The following TEAD1 variants were observed in gnomAD, a reference collection of about 807,000 sequenced individuals.
TEAD1 encodes the protein TEA domain transcription factor 1, also known as transcriptional enhancer factor TEF-1.
A neutral mutation model predicts 54.9 loss-of-function variants in TEAD1; 9 were observed. The ratio of observed to expected loss-of-function variants is 0.16; its 90% CI spans 0.10 to 0.29. TEAD1 has a LOEUF of 0.29. Ranked by LOEUF, TEAD1 falls within the 10% of genes least tolerant of loss-of-function variation. TEAD1 has a pLI of 1.00. For missense variants in TEAD1, 387 were observed against 535.9 expected (o/e 0.72, Z 2.74); for synonymous variants, 200 against 187.8 (o/e 1.07, Z -0.53).
chr11:12,870,772 G>C (rs911140379), intron 5 of TEAD1, among the ~76,000 whole-genome samples: 1 of 152,194 alleles, frequency 6.6e-6, no homozygotes, highest in African/African-American at 2.4e-5. Context: ...GGCAGTTATA[G>C]CTACTTGGGA....
intron 9 of TEAD1, among the ~76,000 whole-genome samples, chr11:12,886,532 C>A (rs1025086920): frequency 6.6e-6 from 1 of 152,136 alleles, no homozygotes; most frequent in Non-Finnish European, 1.5e-5. Flanking sequence ...CAGCAGTGAA[C>A]AAAACAAAGT....
At chr11:12,727,301 TG>T (rs1350607305) in intron 2 of TEAD1, among the ~76,000 whole-genome samples, 2 of 152,188 alleles carry the variant, frequency 1.3e-5, no homozygotes, top group Non-Finnish European at 2.9e-5. Flanking sequence ...GTTCTGTGGG[TG>T]GGGATGCTGG....
At chr11:12,919,685 A>T (rs1948770042) in intron 10 of TEAD1, among the ~76,000 whole-genome samples, 1 of 151,928 alleles carries the variant, frequency 6.6e-6, no homozygotes, top group African/African-American at 2.4e-5. Flanking sequence ...TTATTTGTAG[A>T]GATGGCATCT....
chr11:12,886,444 G>T (rs1948088417), intron 9 of TEAD1, among the ~76,000 whole-genome samples: 1 of 152,146 alleles, frequency 6.6e-6, no homozygotes, highest in Admixed American at 6.5e-5. Context: ...TTGGGGATTG[G>T]GAGAAATTAG....
At chr11:12,761,218 T>G (rs769452033) in intron 2 of TEAD1, among the ~76,000 whole-genome samples, 1 of 152,192 alleles carries the variant, frequency 6.6e-6, no homozygotes, top group Non-Finnish European at 1.5e-5. Context: ...ATAGAAATAA[T>G]AAGAAGAGGT....
intron 10 of TEAD1, among the ~76,000 whole-genome samples, chr11:12,923,307 A>G (rs1948847287): frequency 6.6e-6 from 1 of 151,970 alleles, no homozygotes; most frequent in Admixed American, 6.5e-5. Context: ...CTCTTATGGA[A>G]TGCTTCTCTT....
rs1051687035 is a variant in TEAD1 at position 12,943,239 on chromosome 11, T to C, written c.*6017T>C. The C allele has an allele frequency of 5.2e-5, 8 of 152,498 alleles. No homozygotes were observed. Among genetic ancestry groups the C allele is most frequent in the African/African-American group, 1.2e-4 (5 of 41,452 alleles). 9.4% of individuals were successfully genotyped at this position (152,498 alleles called of 1,614,324 possible). ...AAGAAAATGTACTCAACCTAACTTATAGTTAGCAGCTGGAATTCTCAACTC... is the reference window on the plus strand; with the variant it reads ...AAGAAAATGTACTCAACCTAACTTACAGTTAGCAGCTGGAATTCTCAACTC... On this transcript the variant is annotated 3_prime_UTR_variant, in exon 13 of 13. Transcript: ENST00000527636.
At chr11:12,809,978 T>C (rs1032026450) in intron 3 of TEAD1, among the ~76,000 whole-genome samples, 334 of 32,600 alleles carry the variant, frequency 0.01, 1 homozygote, top group African/African-American at 0.023. Flanking sequence ...CCCATTCTTT[T>C]TTTTTTTTTT....
intron 3 of TEAD1, among the ~76,000 whole-genome samples, chr11:12,769,303 T>A (rs533257921): frequency 6.6e-6 from 1 of 152,216 alleles, no homozygotes; most frequent in South Asian, 2.1e-4. Context: ...AGCATAGGAC[T>A]TAGGATTGCA....
chr11:12,884,659 T>C (rs568221273), intron 9 of TEAD1, among the ~76,000 whole-genome samples: 1 of 152,178 alleles, frequency 6.6e-6, no homozygotes, highest in Non-Finnish European at 1.5e-5. Flanking sequence ...AAAATAGAGC[T>C]GCTTCCAAAT....
At chr11:12,854,904 C>A (rs1947343003) in intron 3 of TEAD1, among the ~76,000 whole-genome samples, 1 of 151,862 alleles carries the variant, frequency 6.6e-6, no homozygotes, top group African/African-American at 2.4e-5. Flanking sequence ...CTTGAGATGG[C>A]ATCTTTTTAC....
intron 3 of TEAD1, among the ~76,000 whole-genome samples, chr11:12,807,651 A>AG (rs1590170789): frequency 6.6e-6 from 1 of 152,378 alleles, no homozygotes; most frequent in East Asian, 1.9e-4. Flanking sequence ...TGTGTAAGGA[A>AG]GGCCTATGGG....
At chr11:12,900,642 CTTT>C (rs371838189) in intron 9 of TEAD1, among the ~76,000 whole-genome samples, 1 of 147,606 alleles carries the variant, frequency 6.8e-6, no homozygotes, top group Admixed American at 6.8e-5. Context: ...CCCACACAAT[CTTT>C]TTTTTTTTAA....
At chr11:12,686,902 G>GTGT (rs1244991415) in intron 2 of TEAD1, among the ~76,000 whole-genome samples, 1 of 152,202 alleles carries the variant, frequency 6.6e-6, no homozygotes, top group Non-Finnish European at 1.5e-5. Flanking sequence ...AGGAGTGGAG[G>GTGT]TGTTCAGTCC....
rs1416612448 is a variant in TEAD1 at position 12,937,327 on chromosome 11, C to T, written c.*105C>T. 3 of 998,638 alleles carry T rather than the reference C, an allele frequency of 3.0e-6. No homozygotes were observed. The East Asian group carries it at 8.0e-5, about 27-fold the overall frequency. The allele number at this position is 998,638 out of a possible 1,614,324, so 61.9% of individuals were successfully genotyped here. A position where few individuals can be genotyped will look rare whatever the true frequency, so the allele number is the denominator to read the frequency against. On this transcript the variant is annotated 3_prime_UTR_variant, in exon 13 of 13. Transcript: ENST00000527636. ...ACGACTGACTGTAAACCTCACCACACAGGGTGGTGCCCTGGCCCCGAGGTC... is the reference window on the plus strand; with the variant it reads ...ACGACTGACTGTAAACCTCACCACATAGGGTGGTGCCCTGGCCCCGAGGTC...
At chr11:12,855,465 T>A (rs905074958) in intron 3 of TEAD1, among the ~76,000 whole-genome samples, 6 of 151,798 alleles carry the variant, frequency 4.0e-5, no homozygotes, top group Non-Finnish European at 8.8e-5. Flanking sequence ...TATTTTTGTA[T>A]TTTTAGTAGA....
chr11:12,731,836 G>A (rs79204616), intron 2 of TEAD1, among the ~76,000 whole-genome samples: 215 of 152,228 alleles, frequency 1.4e-3, no homozygotes, highest in Admixed American at 2.9e-3. Context: ...ATTTCTCTTA[G>A]GATATGGCTT....
At chr11:12,835,595 TAGGCGTGAGCCACCGTACCCGGTGGCTC>T (rs1327902784) in intron 3 of TEAD1, among the ~76,000 whole-genome samples, 1 of 151,896 alleles carries the variant, frequency 6.6e-6, no homozygotes, top group Admixed American at 6.6e-5. Context: ...GTTGGGATTA[TAGGCGTGAGCCACCGTACCCGGTGGCTC>T]TGAGGTTTTT....
At chr11:12,837,090 C>A (rs942377247) in intron 3 of TEAD1, among the ~76,000 whole-genome samples, 12 of 152,170 alleles carry the variant, frequency 7.9e-5, no homozygotes, top group Non-Finnish European at 4.4e-5. Context: ...TTAACTTACT[C>A]TTCATCCATA....
Sources: allele counts gnomAD v4.1 joint callset (sites outside exome capture counted in the v4.1 genomes callset), GRCh38; gene constraint gnomAD v4.1.1; transcripts MANE v1.5; gene names NCBI Gene and HGNC (gene_info 2026-07-23, HGNC 2026-07-21).